The following SCYL2 variants were observed in gnomAD, a reference collection of about 807,000 sequenced individuals.
SCYL2 encodes the protein SCY1 like pseudokinase 2.
In SCYL2, 36 loss-of-function variants were observed where a neutral mutation model predicts 100.4. The observed-to-expected ratio is 0.36, with a 90% CI of 0.27 to 0.47. The LOEUF is 0.47. SCYL2 is among the 20% of genes least tolerant of loss of function. The pLI is 1.00. For synonymous variants in SCYL2, 330 were observed against 359.2 expected (o/e 0.92, Z 0.92); for missense variants, 902 against 1,083.9 (o/e 0.83, Z 2.36).
intron 13 of SCYL2, among the ~76,000 whole-genome samples, chr12:100,332,018 C>G (rs542584836): frequency 1.3e-5 from 2 of 151,992 alleles, no homozygotes; most frequent in African/African-American, 4.8e-5. Context: ...ATAGTTATGC[C>G]CAGGCTGTGC....
intron 10 of SCYL2, among the ~76,000 whole-genome samples, chr12:100,322,295 C>T (rs1175902965): frequency 2.0e-5 from 3 of 146,730 alleles, no homozygotes; most frequent in African/African-American, 7.5e-5. Flanking sequence ...ATGGCGTGAA[C>T]CCGGGAGGCG....
intron 4 of SCYL2, among the ~76,000 whole-genome samples, chr12:100,298,544 G>T (rs2096323702): frequency 2.6e-5 from 4 of 152,112 alleles, no homozygotes; most frequent in Admixed American, 2.6e-4. Context: ...AAGAGGTATT[G>T]TTAGCCTTTT....
At chr12:100,278,457 GT>G (rs1328692026) in intron 1 of SCYL2, among the ~76,000 whole-genome samples, 2 of 151,964 alleles carry the variant, frequency 1.3e-5, no homozygotes, top group African/African-American at 4.8e-5. Context: ...ATCTCTAATA[GT>G]TTTTATAGTG....
intron 13 of SCYL2, chr12:100,333,685 C>T (rs1252260984): frequency 6.5e-6 from 1 of 153,124 alleles, no homozygotes; most frequent in Non-Finnish European, 1.5e-5. Flanking sequence ...GGATTATGTA[C>T]ATTTAATTTT....
chr12:100,269,361 G>A (rs562837026), intron 1 of SCYL2, among the ~76,000 whole-genome samples: 2 of 151,906 alleles, frequency 1.3e-5, no homozygotes, highest in South Asian at 4.2e-4. Flanking sequence ...TCATCATTCA[G>A]CTCACTTCAG....
At position 100,339,901 on chromosome 12, in the gene SCYL2, C is replaced by G. The variant is rs1397606333; in HGVS notation, c.*729C>G. On this transcript the variant is annotated 3_prime_UTR_variant, in exon 18 of 18. Transcript: ENST00000360820. Reference sequence around the variant, plus strand: ...TGGATATATTTAGAATCACTTTTTTCCTCCTGTATCAAGGAAGAGGTATGT... The same window carrying G: ...TGGATATATTTAGAATCACTTTTTTGCTCCTGTATCAAGGAAGAGGTATGT... 2.0e-5 allele frequency: 3 copies of G among 152,316 alleles called. No individual in the cohort carries two copies. Among genetic ancestry groups the G allele is most frequent in the Non-Finnish European group, 4.4e-5 (3 of 67,970 alleles). The allele number at this position is 152,316 out of a possible 1,614,324, so 9.4% of individuals were successfully genotyped here.
intron 1 of SCYL2, among the ~76,000 whole-genome samples, chr12:100,274,785 A>C (rs1455417809): frequency 6.6e-6 from 1 of 152,222 alleles, no homozygotes; most frequent in Non-Finnish European, 1.5e-5. Flanking sequence ...CAATTTTAGG[A>C]AAGAGTACAC....
intron 3 of SCYL2, among the ~76,000 whole-genome samples, chr12:100,297,575 C>A (rs2096322392): frequency 6.6e-6 from 1 of 152,194 alleles, no homozygotes; most frequent in Admixed American, 6.5e-5. Flanking sequence ...GTCTCTCTTC[C>A]TGACTACTCC....
intron 4 of SCYL2, among the ~76,000 whole-genome samples, chr12:100,302,263 T>C (rs2096328667): frequency 6.6e-6 from 1 of 152,142 alleles, no homozygotes; most frequent in Non-Finnish European, 1.5e-5. Context: ...TCTGTCCCAG[T>C]TGTTGTCTCC....
chr12:100,294,619 G>A (rs1457775759), intron 3 of SCYL2, among the ~76,000 whole-genome samples: 1 of 134,156 alleles, frequency 7.5e-6, no homozygotes, highest in African/African-American at 2.9e-5. Context: ...CGGGCAGAGG[G>A]GCTCCTCACT....
intron 2 of SCYL2, among the ~76,000 whole-genome samples, chr12:100,283,546 T>G (rs1289603205): frequency 8.5e-5 from 13 of 152,214 alleles, no homozygotes; most frequent in Admixed American, 2.6e-4. Flanking sequence ...TTTTTCAACG[T>G]TAAGTGCGTC....
intron 1 of SCYL2, among the ~76,000 whole-genome samples, chr12:100,279,108 C>G (rs186181617): frequency 1.2e-4 from 19 of 152,154 alleles, no homozygotes; most frequent in African/African-American, 3.9e-4. Context: ...AGCAGCAGTC[C>G]CCAACCTTTT....
intron 1 of SCYL2, among the ~76,000 whole-genome samples, chr12:100,281,570 A>C (rs2096298395): frequency 1.3e-5 from 2 of 152,156 alleles, no homozygotes; most frequent in African/African-American, 4.8e-5. Context: ...GCTTTGGCTC[A>C]CGCCTGTAAT....
intron 14 of SCYL2, among the ~76,000 whole-genome samples, chr12:100,334,608 T>G (rs1952252428): frequency 1.3e-5 from 2 of 152,084 alleles, no homozygotes; most frequent in South Asian, 4.1e-4. Flanking sequence ...TTAGGAAAAT[T>G]TTTTAAATTT....
At chr12:100,286,249 T>A (rs932335291) in intron 2 of SCYL2, among the ~76,000 whole-genome samples, 24 of 152,138 alleles carry the variant, frequency 1.6e-4, no homozygotes, top group African/African-American at 3.6e-4. Context: ...TTTAAAAAAA[T>A]GTGTGTGTAT....
chr12:100,275,893 T>C (rs2096292004), intron 1 of SCYL2, among the ~76,000 whole-genome samples: 1 of 152,244 alleles, frequency 6.6e-6, no homozygotes, highest in Non-Finnish European at 1.5e-5. Flanking sequence ...TGAATTGGTA[T>C]TGAATTTTGT....
At chr12:100,280,156 T>G (rs1265974978) in intron 1 of SCYL2, among the ~76,000 whole-genome samples, 1 of 152,218 alleles carries the variant, frequency 6.6e-6, no homozygotes, top group African/African-American at 2.4e-5. Context: ...TTAATACATT[T>G]TGTTCAGTTT....
In SCYL2 at chr12:100,323,538, A is replaced by G; in HGVS notation, c.1409A>G (p.Asn470Ser). 6.3e-7 allele frequency: 1 copy of G among 1,581,276 alleles called. No individual in the cohort carries two copies. The highest frequency in any genetic ancestry group is 8.7e-7 in the Non-Finnish European group (1 of 1,155,040). ...TTTTCTTTATAGGAGCTCTGTCTAA[A>G]CATCATTCCAACCTTTGCAAATCTT... ...PSIQIQELCL[N>S]IIPTFANLID... The change falls in exon 11 of 18, where the codon AAC becomes AGC. Residue 470 changes from asparagine (N) to serine (S), a missense_variant. By Grantham distance (46) the Asn-to-Ser change is conservative. Coordinates refer to ENST00000360820, the MANE Select transcript of SCYL2 (RefSeq NM_017988.6).
At chr12:100,319,132 C>G in intron 10 of SCYL2, 1 of 437,182 alleles carries the variant, frequency 2.3e-6, no homozygotes, top group South Asian at 1.7e-5. Flanking sequence ...TTTAAGGTCA[C>G]TTTTTGGACT....
Sources: allele counts gnomAD v4.1 joint callset (sites outside exome capture counted in the v4.1 genomes callset), GRCh38; gene constraint gnomAD v4.1.1; transcripts MANE v1.5; gene names NCBI Gene and HGNC (gene_info 2026-07-23, HGNC 2026-07-21).